The following ATR variants were observed in gnomAD, a reference collection of about 807,000 sequenced individuals.
The protein encoded by ATR is ATR checkpoint kinase, also known as serine/threonine-protein kinase ATR.
Under a neutral mutation model 305.3 loss-of-function variants are expected in ATR, and 142 were observed. That is an observed-to-expected ratio of 0.47 (90% CI 0.41 to 0.53). The LOEUF is 0.53. ATR is among the 20% of genes least tolerant of loss of function. The probability of loss-of-function intolerance (pLI) is 0.00; values close to 1 mark genes in which losing one functional copy is unlikely to be tolerated. For synonymous variants in ATR, 1,050 were observed against 1,068.1 expected (o/e 0.98, Z 0.33); for missense variants, 2,135 against 3,133.1 (o/e 0.68, Z 7.60).
chr3:142,576,568 A>G (rs1001272508), intron 1 of ATR, among the ~76,000 whole-genome samples: 2 of 152,234 alleles, frequency 1.3e-5, no homozygotes, highest in Non-Finnish European at 2.9e-5. Context: ...CTCTACTTCA[A>G]TGAATAAGAG....
intron 36 of ATR, among the ~76,000 whole-genome samples, chr3:142,484,358 C>T (rs2030764436): frequency 1.3e-5 from 2 of 152,126 alleles, no homozygotes; most frequent in African/African-American, 4.8e-5. Context: ...CCATTAAAAA[C>T]CCCACAGGAC....
chr3:142,494,416 G>T (rs1204971553), intron 34 of ATR, among the ~76,000 whole-genome samples: 6 of 152,126 alleles, frequency 3.9e-5, no homozygotes, highest in Non-Finnish European at 8.8e-5. Flanking sequence ...TGAAATAAAA[G>T]CATATTTGCT....
In ATR at chr3:142,453,162, G is replaced by A; in HGVS notation, c.7727C>T (p.Pro2576Leu). The change falls in exon 46 of 47, where the codon CCA becomes CTA. Residue 2576 changes from proline to leucine, a missense_variant. By Grantham distance (98) the Pro-to-Leu change is moderately conservative. This residue lies in a region of ATR where 462 missense variants were observed against 887.6 expected (regional missense o/e 0.52). Transcript: ENST00000350721. The stretch of plus-strand genomic sequence containing the variant: ...GACAACTTCTCCAGTTTCATTCAGT[G>A]GCGCTTTGGAATGCCCTTTCACTGG... ...SKPVKGHSKA[P>L]LNETGEVVNE... The A allele has an allele frequency of 6.2e-7, 1 of 1,614,042 alleles. No homozygotes were observed. The highest frequency in any genetic ancestry group is 1.3e-5 in the African/African-American group (1 of 75,038).
chr3:142,450,876 A>C, intron 46 of ATR: 4 of 1,310,246 alleles, frequency 3.1e-6, no homozygotes, highest in Non-Finnish European at 3.9e-6. Context: ...AAGCAGACAG[A>C]TACCAATACG....
intron 21 of ATR, among the ~76,000 whole-genome samples, chr3:142,533,172 G>A (rs990051917): frequency 1.3e-5 from 2 of 152,128 alleles, no homozygotes; most frequent in African/African-American, 4.8e-5. Context: ...GCACACACCT[G>A]TAATCTTAGC....
intron 1 of ATR, among the ~76,000 whole-genome samples, chr3:142,569,934 C>A (rs1316594344): frequency 6.6e-6 from 1 of 152,198 alleles, no homozygotes; most frequent in Non-Finnish European, 1.5e-5. Context: ...CATCAGCCAA[C>A]ATGCCCAGCC....
At chr3:142,496,670 A>G in intron 33 of ATR, 150 bp from the exon 34 acceptor site, 1 of 791,498 alleles carries the variant, frequency 1.3e-6, no homozygotes, top group South Asian at 1.8e-5. Flanking sequence ...CCTTCTTCAT[A>G]TACTATTTCA....
chr3:142,564,538 A>G (rs548131973), intron 3 of ATR, among the ~76,000 whole-genome samples: 2 of 152,330 alleles, frequency 1.3e-5, no homozygotes, highest in Non-Finnish European at 2.9e-5. Flanking sequence ...CTAAAATTTG[A>G]GTGGTGACTC....
rs2032356896 is a variant in ATR at position 142,508,218 on chromosome 3, A to G, written c.4853-109T>C. 7 of 871,246 alleles carry G rather than the reference A, an allele frequency of 8.0e-6. 1 individual carries two copies. In the South Asian group the frequency reaches 1.3e-4, roughly 16 times the overall value. 54.0% of individuals were successfully genotyped at this position (871,246 alleles called of 1,614,324 possible). ...TTTCACTAAACAAATTAATCTGAATATATTAGGATATCATATTTAGAATGT... is the reference window on the plus strand; with the variant it reads ...TTTCACTAAACAAATTAATCTGAATGTATTAGGATATCATATTTAGAATGT... On this transcript the variant is annotated intron_variant, in intron 27 of 46. Coordinates refer to ENST00000350721, the MANE Select transcript of ATR (RefSeq NM_001184.4).
intron 24 of ATR, among the ~76,000 whole-genome samples, chr3:142,515,898 A>C (rs1371114521): frequency 6.6e-6 from 1 of 152,114 alleles, no homozygotes; most frequent in Admixed American, 6.5e-5. Context: ...CTTTCTTCCC[A>C]GTGTTATTAT....
intron 21 of ATR, among the ~76,000 whole-genome samples, chr3:142,532,436 T>A (rs2033689896): frequency 6.6e-6 from 1 of 152,210 alleles, no homozygotes. Context: ...TAATTTGATC[T>A]CTAGTCTGAC....
chr3:142,469,972 T>C, intron 37 of ATR, 114 bp downstream of exon 37: 1 of 798,288 alleles, frequency 1.3e-6, no homozygotes, highest in Non-Finnish European at 2.0e-6. Context: ...ACATAATATC[T>C]TAATTATCAA....
rs1014768444 is a variant in ATR at position 142,469,266 on chromosome 3, G to C, written c.6552+71C>G. 14 of 1,254,832 alleles carry C rather than the reference G, an allele frequency of 1.1e-5. No individual in the cohort carries two copies. The African/African-American group carries it at 2.0e-4, about 18-fold the overall frequency. 77.7% of individuals were successfully genotyped at this position (1,254,832 alleles called of 1,614,324 possible). A position where few individuals can be genotyped will look rare whatever the true frequency, so the allele number is the denominator to read the frequency against. ...CCCTGGAACTTGTATCTACATATTA[G>C]TATTACATAATCAAGTTCATATAAA... On this transcript the variant is annotated intron_variant, in intron 38 of 46. Coordinates refer to ENST00000350721, the MANE Select transcript of ATR (RefSeq NM_001184.4).
chr3:142,451,086 C>A, intron 46 of ATR: 1 of 1,279,140 alleles, frequency 7.8e-7, no homozygotes, highest in East Asian at 4.8e-5. Context: ...GGTTTGTCTA[C>A]CTGGTCAATT....
At chr3:142,474,774 G>A (rs1211845667) in intron 36 of ATR, among the ~76,000 whole-genome samples, 1 of 152,098 alleles carries the variant, frequency 6.6e-6, no homozygotes, top group Non-Finnish European at 1.5e-5. Context: ...TTGAATATAA[G>A]TGGCAAGAGT....
intron 38 of ATR, among the ~76,000 whole-genome samples, chr3:142,468,446 A>G (rs1449298062): frequency 1.3e-5 from 2 of 152,162 alleles, no homozygotes; most frequent in African/African-American, 4.8e-5. Flanking sequence ...AATTATATTT[A>G]ATAACATGGA....
intron 26 of ATR, among the ~76,000 whole-genome samples, chr3:142,512,713 G>A (rs940801391): frequency 1.8e-4 from 28 of 152,066 alleles, no homozygotes; most frequent in South Asian, 6.2e-4. Context: ...AAATTAGCCA[G>A]GCATGGTGGC....
chr3:142,452,256 A>T, intron 46 of ATR: 1 of 995,306 alleles, frequency 1.0e-6, no homozygotes, highest in Non-Finnish European at 1.2e-6. Flanking sequence ...GTAAATTTTT[A>T]ATCTTTATTA....
rs770878408 is a variant in ATR at position 142,578,715 on chromosome 3, C to T, written c.-11G>A. The T allele has an allele frequency of 3.4e-5, 55 of 1,611,114 alleles. 1 individual carries two copies. In the South Asian group the frequency reaches 3.5e-4, roughly 10 times the overall value. On this transcript the variant is annotated 5_prime_UTR_variant, in exon 1 of 47. Coordinates refer to ENST00000350721, the MANE Select transcript of ATR (RefSeq NM_001184.4). ...GCCATGTTCCCCCATGCTGAGGCTG[C>T]GAGGCACTAGTCAACCACGCCAACG...
Sources: gnomAD v4.1 joint callset for allele counts (sites outside exome capture counted in the v4.1 genomes callset) on GRCh38, gnomAD v4.1.1 for gene constraint, gnomAD v4.1.1 regional missense constraint, MANE v1.5 for transcripts, NCBI Gene and HGNC (gene_info 2026-07-23, HGNC 2026-07-21) for gene names.